CLIC5: variants seen among roughly 807,000 people sequenced by gnomAD.
The protein encoded by CLIC5 is CLIC family member 5.
In CLIC5, 20 loss-of-function variants were observed where a neutral mutation model predicts 24.7. The observed-to-expected ratio is 0.81, with a 90% confidence interval of 0.57 to 1.18. The LOEUF (loss-of-function observed/expected upper bound fraction) is 1.18. CLIC5 is among the 50% of genes most tolerant of loss of function. The probability of loss-of-function intolerance (pLI) is 0.00; values close to 1 mark genes in which losing one functional copy is unlikely to be tolerated. For synonymous variants in CLIC5, 159 were observed against 135.6 expected (o/e 1.17, Z -1.20); for missense variants, 341 against 326.1 (o/e 1.05, Z -0.35).
At chr6:45,979,655 T>C (rs1241726292) in intron 1 of CLIC5, among the ~76,000 whole-genome samples, 1 of 121,776 alleles carries the variant, frequency 8.2e-6, no homozygotes, top group Non-Finnish European at 2.0e-5. Flanking sequence ...AGTTACTAGA[T>C]GAAATAATCA....
At chr6:45,997,213 A>G (rs1766177448) in intron 1 of CLIC5, among the ~76,000 whole-genome samples, 1 of 151,050 alleles carries the variant, frequency 6.6e-6, no homozygotes, top group African/African-American at 2.4e-5. Context: ...AGGGACATGG[A>G]TGAAACTGGA....
intron 1 of CLIC5, among the ~76,000 whole-genome samples, chr6:45,996,206 CAA>C (rs1184201794): frequency 6.6e-6 from 1 of 151,670 alleles, no homozygotes; most frequent in Non-Finnish European, 1.5e-5. Flanking sequence ...CTAAATTAAG[CAA>C]AAGAGAAGTG....
intron 1 of CLIC5, among the ~76,000 whole-genome samples, chr6:46,028,880 G>A (rs1293659283): frequency 6.6e-6 from 1 of 151,998 alleles, no homozygotes; most frequent in East Asian, 1.9e-4. Context: ...CATAGTTTTG[G>A]ACAAATTTAT....
intron 1 of CLIC5, among the ~76,000 whole-genome samples, chr6:46,011,319 A>G (rs1286019079): frequency 6.6e-6 from 1 of 152,228 alleles, no homozygotes; most frequent in Admixed American, 6.5e-5. Flanking sequence ...ACATTTAATC[A>G]GCATTAGCAA....
In CLIC5 at chr6:45,927,337, C is replaced by T. The variant is rs147217550; in HGVS notation, c.407-12928G>A. Reference sequence around the variant, plus strand: ...AGCCCTGGACCAACAGTGTCCGAATCGCCTGGGAGCTCTCAGGCCTTGCCC... The same window carrying T: ...AGCCCTGGACCAACAGTGTCCGAATTGCCTGGGAGCTCTCAGGCCTTGCCC... On this transcript the variant is annotated intron_variant, in intron 4 of 5. Transcript: ENST00000339561. Among the ~76,000 whole-genome samples the T allele has an allele frequency of 1.9e-3, 287 of 152,224 alleles. 1 individual carries two copies. The highest frequency in any genetic ancestry group is 6.6e-3 in the African/African-American group (274 of 41,532).
chr6:45,918,453 A>C (rs1482685956), intron 4 of CLIC5, among the ~76,000 whole-genome samples: 2 of 152,254 alleles, frequency 1.3e-5, no homozygotes, highest in Non-Finnish European at 2.9e-5. Context: ...AACTCAGTGC[A>C]GCACAGGTCC....
intron 1 of CLIC5, among the ~76,000 whole-genome samples, chr6:46,036,504 G>T (rs1045280955): frequency 6.6e-6 from 1 of 151,968 alleles, no homozygotes. Context: ...TAGAGACGGG[G>T]TTTCACCATG....
chr6:46,016,279 G>A (rs150036645), upstream of CLIC5, among the ~76,000 whole-genome samples: 22 of 152,246 alleles, frequency 1.4e-4, no homozygotes, highest in African/African-American at 5.1e-4. Context: ...TTAATAAAGC[G>A]TCAGCTCCTC....
the CLIC5 span, among the ~76,000 whole-genome samples, chr6:46,120,185 T>C: frequency 1.3e-5 from 2 of 152,100 alleles, no homozygotes; most frequent in African/African-American, 2.4e-5. Context: ...CACCCACCAG[T>C]AGGGGCAGAC....
intron 2 of CLIC5, among the ~76,000 whole-genome samples, chr6:45,952,798 T>C (rs1764515784): frequency 6.6e-6 from 1 of 152,128 alleles, no homozygotes; most frequent in Admixed American, 6.5e-5. Context: ...TCCCACTCTC[T>C]TCTCCAGCAA....
chr6:46,003,250 C>T (rs1766423791), intron 1 of CLIC5, among the ~76,000 whole-genome samples: 1 of 152,208 alleles, frequency 6.6e-6, no homozygotes, highest in Non-Finnish European at 1.5e-5. Context: ...AGACACCACT[C>T]ATGGGACCAA....
At chr6:45,888,437 G>C (rs1762323203) in intron 6 of CLIC5, among the ~76,000 whole-genome samples, 4 of 152,240 alleles carry the variant, frequency 2.6e-5, no homozygotes, top group Admixed American at 2.6e-4. Flanking sequence ...TAACCACCTG[G>C]GGAAAAAATT....
chr6:45,919,428 G>T (rs1022230174), intron 4 of CLIC5, among the ~76,000 whole-genome samples: 1 of 152,136 alleles, frequency 6.6e-6, no homozygotes, highest in African/African-American at 2.4e-5. Context: ...CCACAATCTG[G>T]AAGGATACCC....
intron 4 of CLIC5, among the ~76,000 whole-genome samples, chr6:45,924,151 T>C (rs1366883961): frequency 6.6e-6 from 1 of 152,238 alleles, no homozygotes; most frequent in Non-Finnish European, 1.5e-5. Flanking sequence ...CTCTTGCCTC[T>C]GGCTCTGCTC....
intron 4 of CLIC5, among the ~76,000 whole-genome samples, chr6:45,934,623 G>A (rs1458856665): frequency 6.6e-6 from 1 of 152,260 alleles, no homozygotes; most frequent in Non-Finnish European, 1.5e-5. Flanking sequence ...TCCTGTGGAA[G>A]TGGGCTGCGC....
chr6:46,047,044 ATGATTT>A (rs1767973900), intron 1 of CLIC5, among the ~76,000 whole-genome samples: 1 of 152,160 alleles, frequency 6.6e-6, no homozygotes, highest in African/African-American at 2.4e-5. Context: ...TAGTGTTCAC[ATGATTT>A]ATTTTTGCAA....
chr6:45,940,974 C>G (rs572703827), intron 4 of CLIC5, among the ~76,000 whole-genome samples: 54 of 152,308 alleles, frequency 3.5e-4, no homozygotes, highest in African/African-American at 1.3e-3. Context: ...AATTCTGTAG[C>G]CAATGTCAGA....
chr6:46,047,589 C>T (rs1227125791), intron 1 of CLIC5, among the ~76,000 whole-genome samples: 1 of 152,164 alleles, frequency 6.6e-6, no homozygotes. Flanking sequence ...AATAATGCAA[C>T]ATATACAATA....
chr6:46,080,058 T>C (rs1327313665), exon 1 of CLIC5: 12 of 1,551,572 alleles, frequency 7.7e-6, no homozygotes, highest in East Asian at 2.4e-5. Flanking sequence ...CTTAATGGTA[T>C]AGACTGACAC....
Sources: allele counts gnomAD v4.1 joint callset (sites outside exome capture counted in the v4.1 genomes callset), GRCh38; gene constraint gnomAD v4.1.1; transcripts MANE v1.5; gene names NCBI Gene and HGNC (gene_info 2026-07-23, HGNC 2026-07-21).